PXK: variants seen among roughly 807,000 people sequenced by gnomAD.
PXK encodes the protein PX domain-containing protein kinase-like protein.
In PXK, 35 loss-of-function variants were observed where a neutral mutation model predicts 84.7. The observed-to-expected ratio is 0.41, with a 90% CI of 0.32 to 0.55. PXK has a LOEUF of 0.55. Ranked by LOEUF, PXK falls within the 20% of genes least tolerant of loss-of-function variation. The pLI is 0.21. For synonymous variants in PXK, 253 were observed against 260.8 expected (o/e 0.97, Z 0.29); for missense variants, 634 against 699.7 (o/e 0.91, Z 1.06).
intron 17 of PXK, among the ~76,000 whole-genome samples, chr3:58,418,261 G>A (rs1177499134): frequency 6.6e-6 from 1 of 152,144 alleles, no homozygotes; most frequent in Non-Finnish European, 1.5e-5. Flanking sequence ...ATGGTCACTT[G>A]TTTCAGTTAA....
chr3:58,377,218 G>C (rs1485406483), intron 3 of PXK, among the ~76,000 whole-genome samples: 1 of 151,630 alleles, frequency 6.6e-6, no homozygotes, highest in Non-Finnish European at 1.5e-5. Flanking sequence ...AGAATTATCC[G>C]CCAACCTTTT....
chr3:58,418,408 GTAACT>G (rs1343308626), intron 17 of PXK, among the ~76,000 whole-genome samples: 5 of 152,208 alleles, frequency 3.3e-5, no homozygotes, highest in African/African-American at 7.2e-5. Flanking sequence ...AGCCAGGAGT[GTAACT>G]TGTTCTGTAT....
At chr3:58,424,393 G>A (rs2062491408) in intron 17 of PXK, among the ~76,000 whole-genome samples, 2 of 152,186 alleles carry the variant, frequency 1.3e-5, no homozygotes, top group South Asian at 2.1e-4. Flanking sequence ...AGCTTCCTGG[G>A]ACCTGGCTAA....
At position 58,336,063 on chromosome 3, in the gene PXK, ATATATATATT is replaced by A. The variant is rs1373621186; in HGVS notation, c.102+2975_102+2984del. Among the ~76,000 whole-genome samples, 562 of 58,000 alleles carry A rather than the reference ATATATATATT, an allele frequency of 9.7e-3. 2 individuals carry two copies. The highest frequency in any genetic ancestry group is 0.023 in the African/African-American group (203 of 8,672). The allele number at this position is 58,000 out of a possible 152,430, so 38.1% of individuals were successfully genotyped here. On this transcript the variant is annotated intron_variant, in intron 1 of 17. Coordinates refer to ENST00000356151, the MANE Select transcript of PXK (RefSeq NM_017771.5). ...CATATATATATATATATATATATAT[ATATATATATT>A]TTTTTTTTTTTTTTTTAATACCAAT...
At chr3:58,337,145 A>G (rs1258763399) in intron 1 of PXK, among the ~76,000 whole-genome samples, 2 of 152,170 alleles carry the variant, frequency 1.3e-5, no homozygotes, top group Non-Finnish European at 2.9e-5. Flanking sequence ...TGTGGAGTTC[A>G]TCTGGATCAG....
At chr3:58,359,757 A>G (rs2098149371) in intron 1 of PXK, among the ~76,000 whole-genome samples, 1 of 150,862 alleles carries the variant, frequency 6.6e-6, no homozygotes, top group Non-Finnish European at 1.5e-5. Flanking sequence ...GAACATTTAA[A>G]TGCTAAAGGA....
At chr3:58,387,565 G>A (rs1360201291) in intron 4 of PXK, among the ~76,000 whole-genome samples, 4 of 152,098 alleles carry the variant, frequency 2.6e-5, no homozygotes, top group African/African-American at 9.7e-5. Flanking sequence ...TTGAAGGAAG[G>A]CTTCCCAGAA....
At chr3:58,404,267 G>A (rs2059049027) in intron 13 of PXK, among the ~76,000 whole-genome samples, 1 of 152,150 alleles carries the variant, frequency 6.6e-6, no homozygotes, top group Non-Finnish European at 1.5e-5. Context: ...ATGGGCTTCG[G>A]AACCCAAAAA....
chr3:58,369,577 G>A (rs2098332768), intron 3 of PXK, 99 bp downstream of exon 3: 2 of 933,236 alleles, frequency 2.1e-6, no homozygotes, highest in African/African-American at 3.3e-5. Context: ...TGTAATCCCA[G>A]CACTTGGGGA....
intron 1 of PXK, among the ~76,000 whole-genome samples, chr3:58,337,998 A>G (rs1056419578): frequency 8.5e-5 from 13 of 152,350 alleles, no homozygotes; most frequent in African/African-American, 3.1e-4. Flanking sequence ...ACTTCCTTTT[A>G]GAATGCTACT....
intron 13 of PXK, among the ~76,000 whole-genome samples, chr3:58,405,776 T>C (rs969608657): frequency 4.7e-5 from 7 of 148,534 alleles, no homozygotes; most frequent in Admixed American, 3.3e-4. Flanking sequence ...AGATTCTGTC[T>C]CAAAAAAAAA....
At chr3:58,371,712 G>T (rs1008869605) in intron 3 of PXK, among the ~76,000 whole-genome samples, 2 of 152,082 alleles carry the variant, frequency 1.3e-5, no homozygotes, top group Admixed American at 6.6e-5. Context: ...TTTTATGCTT[G>T]CTTCAGTGTA....
At chr3:58,378,528 G>T (rs1473009603) in intron 3 of PXK, among the ~76,000 whole-genome samples, 5 of 55,760 alleles carry the variant, frequency 9.0e-5, no homozygotes, top group African/African-American at 2.3e-4. Context: ...GTGTGTGTGT[G>T]TGTGTGTGTG....
At chr3:58,362,560 T>C (rs2098205597) in intron 1 of PXK, among the ~76,000 whole-genome samples, 1 of 152,252 alleles carries the variant, frequency 6.6e-6, no homozygotes. Flanking sequence ...GCCTTTGCAC[T>C]TTCATCAAAA....
chr3:58,365,854 T>G lies in PXK; in HGVS notation c.103-20T>G. Reference sequence around the variant, plus strand: ...AACTCAGTTTTATAACTGAGGTTATTCTTCCCTTCTCTTTTTAAGGAATAT... The same window carrying G: ...AACTCAGTTTTATAACTGAGGTTATGCTTCCCTTCTCTTTTTAAGGAATAT... On this transcript the variant is annotated intron_variant, in intron 1 of 17. Coordinates refer to ENST00000356151, the MANE Select transcript of PXK (RefSeq NM_017771.5). The G allele has an allele frequency of 6.6e-7, 1 of 1,525,372 alleles. No homozygotes were observed. Among genetic ancestry groups the G allele is most frequent in the Non-Finnish European group, 8.8e-7 (1 of 1,136,722 alleles). The allele number at this position is 1,525,372 out of a possible 1,614,324, so 94.5% of individuals were successfully genotyped here.
intron 3 of PXK, among the ~76,000 whole-genome samples, chr3:58,371,877 A>T (rs1231180227): frequency 1.3e-5 from 2 of 152,216 alleles, no homozygotes; most frequent in African/African-American, 4.8e-5. Context: ...AGAAGAAAGC[A>T]CATACAGCTT....
intron 7 of PXK, among the ~76,000 whole-genome samples, chr3:58,394,474 A>G (rs959810361): frequency 2.0e-5 from 3 of 152,236 alleles, no homozygotes; most frequent in Non-Finnish European, 4.4e-5. Context: ...CTGAGATTCC[A>G]GAAGATGCTA....
chr3:58,398,258 G>C lies in PXK; in HGVS notation c.1102+536G>C, dbSNP rs556536896. Among the ~76,000 whole-genome samples the C allele has an allele frequency of 6.6e-6, 1 of 152,272 alleles. No individual in the cohort carries two copies. The highest frequency in any genetic ancestry group is 2.1e-4 in the South Asian group (1 of 4,822). On this transcript the variant is annotated intron_variant, in intron 11 of 17. Coordinates refer to ENST00000356151, the MANE Select transcript of PXK (RefSeq NM_017771.5). This position sits in a 1 kb window ranked among gnomAD's most constrained non-coding sequence, Gnocchi z 4.5. ...TGTACTAAAATTACAAAAATTAGCTGGGCGTGGAGGTGCATGCCTGTAATC... is the reference window on the plus strand; with the variant it reads ...TGTACTAAAATTACAAAAATTAGCTCGGCGTGGAGGTGCATGCCTGTAATC...
chr3:58,387,456 A>G (rs1169473404), intron 4 of PXK, among the ~76,000 whole-genome samples: 1 of 152,198 alleles, frequency 6.6e-6, no homozygotes, highest in East Asian at 1.9e-4. Flanking sequence ...ACTCCATGAC[A>G]GTTACACAGG....
Sources: allele counts gnomAD v4.1 joint callset (sites outside exome capture counted in the v4.1 genomes callset), GRCh38; gene constraint gnomAD v4.1.1; non-coding constraint Gnocchi (gnomAD v3.1); transcripts MANE v1.5; gene names NCBI Gene and HGNC (gene_info 2026-07-23, HGNC 2026-07-21).